The following CCDC144A variants were observed in gnomAD, a reference collection of about 807,000 sequenced individuals.
The protein encoded by CCDC144A is coiled-coil domain-containing protein 144A.
In CCDC144A, 41 loss-of-function variants were observed where a neutral mutation model predicts 143.8. The ratio of observed to expected loss-of-function variants is 0.29; its 90% CI spans 0.22 to 0.37. The LOEUF (loss-of-function observed/expected upper bound fraction) is 0.37. Among genes scored for constraint, CCDC144A ranks in the 10% least tolerant of loss-of-function variants. The pLI, the probability that CCDC144A is intolerant of heterozygous loss-of-function variation, is 1.00. For synonymous variants in CCDC144A, 242 were observed against 517.9 expected, an observed-to-expected ratio of 0.47 and a Z score of 7.23; for missense variants, 637 against 1,488.8, an observed-to-expected ratio of 0.43 and a Z score of 9.41.
chr17:16,750,904 T>C (rs1445151963), intron 12 of CCDC144A, among the ~76,000 whole-genome samples: 1 of 152,232 alleles, frequency 6.6e-6, no homozygotes, highest in African/African-American at 2.4e-5. Context: ...AAAATGGCTC[T>C]GTCGTGTTTC....
At chr17:16,685,867 GT>G (rs1910758299), upstream of CCDC144A, among the ~76,000 whole-genome samples, 1 of 151,490 alleles carries the variant, frequency 6.6e-6, no homozygotes, top group African/African-American at 2.4e-5. Flanking sequence ...CGCCTCCTTT[GT>G]TTAAGTGATT....
the CCDC144A span, chr17:16,667,240 A>T: frequency 4.6e-6 from 1 of 219,452 alleles, no homozygotes; most frequent in South Asian, 4.7e-5. Flanking sequence ...TGAGAGGCTG[A>T]GGGGCTGAGG....
the CCDC144A span, chr17:16,683,658 A>T: frequency 6.2e-7 from 1 of 1,609,578 alleles, no homozygotes; most frequent in Non-Finnish European, 8.5e-7. Context: ...GAAATCTGCA[A>T]GCCCGGAAGT....
At chr17:16,745,899 C>A (rs1480379120) in intron 12 of CCDC144A, 11 of 1,597,366 alleles carry the variant, frequency 6.9e-6, no homozygotes, top group African/African-American at 4.0e-5. Context: ...TCCTTTCCCC[C>A]ATCTCTGCTC....
chr17:16,756,248 T>A (rs1243655805), intron 12 of CCDC144A, among the ~76,000 whole-genome samples: 8 of 152,268 alleles, frequency 5.3e-5, no homozygotes, highest in African/African-American at 1.9e-4. Context: ...TCTGAAAAAA[T>A]TTTGGCTCAT....
intron 12 of CCDC144A, among the ~76,000 whole-genome samples, chr17:16,738,040 T>C (rs920455728): frequency 5.3e-5 from 8 of 152,046 alleles, no homozygotes; most frequent in African/African-American, 2.4e-5. Context: ...TATAGGATAA[T>C]GTTTAATAGA....
At chr17:16,759,556 G>T (rs1339242540) in intron 12 of CCDC144A, among the ~76,000 whole-genome samples, 2 of 151,104 alleles carry the variant, frequency 1.3e-5, no homozygotes, top group Non-Finnish European at 3.0e-5. Context: ...CAGCGGCTGT[G>T]TAGTAACAGT....
At chr17:16,721,695 ATAG>A (rs1461736992) in intron 8 of CCDC144A, among the ~76,000 whole-genome samples, 4 of 148,622 alleles carry the variant, frequency 2.7e-5, no homozygotes, top group African/African-American at 1.0e-4. Flanking sequence ...CTTACTAAAC[ATAG>A]TAAATATTTT....
rs537223583 is a variant in CCDC144A, at chr17:16,743,014, T to C, written c.3372+7371T>C. On this transcript the variant is annotated intron_variant, in intron 12 of 16. Coordinates refer to ENST00000399273, the MANE Select transcript of CCDC144A (RefSeq NM_001382000.1). The stretch of plus-strand genomic sequence containing the variant: ...GTAAATATTTTCTCCCAGTCTACAA[T>C]TGTTGGTTGTTTCCTTCACTTTGTT... Among the ~76,000 whole-genome samples the C allele has an allele frequency of 3.7e-3, 556 of 152,280 alleles. 3 individuals are homozygous for C. The highest frequency in any genetic ancestry group is 4.6e-3 in the Non-Finnish European group (311 of 68,028).
upstream of CCDC144A, among the ~76,000 whole-genome samples, chr17:16,684,869 G>A (rs1461875508): frequency 6.6e-6 from 1 of 152,112 alleles, no homozygotes; most frequent in Admixed American, 6.5e-5. Flanking sequence ...CGCTGAGGTG[G>A]GAGGATGACT....
the CCDC144A span, chr17:16,684,058 A>T: frequency 1.1e-4 from 96 of 914,200 alleles, no homozygotes; most frequent in East Asian, 2.3e-3. Flanking sequence ...AGACTCAGAA[A>T]ATCAATAAAC....
chr17:16,686,991 G>T (rs542749732), upstream of CCDC144A, among the ~76,000 whole-genome samples: 1 of 151,992 alleles, frequency 6.6e-6, no homozygotes, highest in African/African-American at 2.4e-5. Flanking sequence ...AGGGTTTTTA[G>T]GTCTGTTTTT....
chr17:16,752,450 G>A (rs1204186950), intron 12 of CCDC144A, among the ~76,000 whole-genome samples: 1 of 151,856 alleles, frequency 6.6e-6, no homozygotes, highest in Non-Finnish European at 1.5e-5. Flanking sequence ...CTCTCTTCTC[G>A]GCATTGTGAG....
chr17:16,749,260 C>T (rs1166350377), intron 12 of CCDC144A, among the ~76,000 whole-genome samples: 10 of 151,876 alleles, frequency 6.6e-5, no homozygotes, highest in African/African-American at 9.7e-5. Flanking sequence ...ATGCTGCTTT[C>T]GCTGTATCCC....
chr17:16,734,275 A>C (rs878960070), intron 11 of CCDC144A, among the ~76,000 whole-genome samples: 6 of 152,162 alleles, frequency 3.9e-5, no homozygotes, highest in African/African-American at 9.7e-5. Context: ...AAAAGAACTT[A>C]AAGAACGTTG....
the CCDC144A span, among the ~76,000 whole-genome samples, chr17:16,670,931 G>T: frequency 6.6e-6 from 1 of 151,832 alleles, no homozygotes; most frequent in Non-Finnish European, 1.5e-5. Context: ...AAACCATGCT[G>T]GAAAAAGTTA....
the CCDC144A span, among the ~76,000 whole-genome samples, chr17:16,678,915 C>T: frequency 1.4e-3 from 206 of 151,926 alleles, 1 homozygote; most frequent in African/African-American, 4.8e-3. Context: ...CCACCACGCC[C>T]GGCTAATTTT....
chr17:16,767,478 A>G (rs1915652815), intron 15 of CCDC144A, among the ~76,000 whole-genome samples: 1 of 148,120 alleles, frequency 6.8e-6, no homozygotes, highest in Non-Finnish European at 1.5e-5. Context: ...AGGAGGTAAC[A>G]TACCATCTAA....
At position 16,739,565 on chromosome 17, in the gene CCDC144A, C is replaced by G. The variant is rs1432218630; in HGVS notation, c.3372+3922C>G. ...GTTTTAGTTCTTACATTTAGTGGTT[C>G]TATTTTGTTACTTTTAGGTATGACA... On this transcript the variant is annotated intron_variant, in intron 12 of 16. Transcript: ENST00000399273. Among the ~76,000 whole-genome samples the G allele has an allele frequency of 6.8e-5, 10 of 147,064 alleles. No homozygotes were observed. In the East Asian group the frequency reaches 2.0e-3, roughly 30 times the overall value.
Sources: allele counts gnomAD v4.1 joint callset (sites outside exome capture counted in the v4.1 genomes callset), GRCh38; gene constraint gnomAD v4.1.1; transcripts MANE v1.5; gene names NCBI Gene and HGNC (gene_info 2026-07-23, HGNC 2026-07-21).